The following LRRC28 variants were observed in gnomAD, a reference collection of about 807,000 sequenced individuals.
LRRC28 encodes leucine rich repeat containing 28.
Under a neutral mutation model 45.7 loss-of-function variants are expected in LRRC28, and 39 were observed. The observed-to-expected ratio is 0.85, with a 90% CI of 0.66 to 1.12. The LOEUF (loss-of-function observed/expected upper bound fraction) is 1.12. Among genes scored for constraint, LRRC28 ranks in the 50% most tolerant of loss-of-function variants. LRRC28 has a pLI of 0.00. For missense variants in LRRC28, 435 were observed against 438.5 expected, an observed-to-expected ratio of 0.99 and a Z score of 0.07; for synonymous variants, 206 against 178.8, an observed-to-expected ratio of 1.15 and a Z score of -1.22.
chr15:99,377,726 G>A (rs1320352809), intron 9 of LRRC28, among the ~76,000 whole-genome samples: 2 of 152,080 alleles, frequency 1.3e-5, no homozygotes, highest in Non-Finnish European at 2.9e-5. Context: ...TGTATAAGGT[G>A]TAAGGAAGGG....
chr15:99,294,571 G>A (rs2152228580), intron 5 of LRRC28, among the ~76,000 whole-genome samples: 1 of 152,274 alleles, frequency 6.6e-6, no homozygotes, highest in South Asian at 2.1e-4. Context: ...CAAGGTGCCA[G>A]CAGATCTGGT....
rs1958094694 is a variant in LRRC28 at position 99,388,471 on chromosome 15, A to T, written c.*2369A>T. The T allele has an allele frequency of 6.6e-6, 1 of 152,250 alleles. No homozygotes were observed. Among genetic ancestry groups the T allele is most frequent in the Non-Finnish European group, 1.5e-5 (1 of 68,044 alleles). 9.4% of individuals were successfully genotyped at this position (152,250 alleles called of 1,614,324 possible). The stretch of plus-strand genomic sequence containing the variant: ...GGCAGACAACCTTTGGGCAGTCTCA[A>T]CCTTAATCCTTGGGTACAGCACCTG... On this transcript the variant is annotated 3_prime_UTR_variant, in exon 10 of 10. Transcript: ENST00000301981.
intron 9 of LRRC28, among the ~76,000 whole-genome samples, chr15:99,371,382 T>C (rs1235151806): frequency 6.6e-6 from 1 of 152,204 alleles, no homozygotes; most frequent in African/African-American, 2.4e-5. Flanking sequence ...GCCACATGTC[T>C]GAGTGATTGT....
At chr15:99,379,070 G>T (rs1044695722) in intron 9 of LRRC28, among the ~76,000 whole-genome samples, 7 of 152,000 alleles carry the variant, frequency 4.6e-5, no homozygotes, top group African/African-American at 1.5e-4. Context: ...AGTTAGGGAG[G>T]ATTCCCTTTT....
intron 5 of LRRC28, among the ~76,000 whole-genome samples, chr15:99,317,257 T>C (rs1482879576): frequency 6.6e-6 from 1 of 152,174 alleles, no homozygotes; most frequent in Non-Finnish European, 1.5e-5. Flanking sequence ...ATGGAATACC[T>C]AGGGAAAATG....
At chr15:99,342,653 C>T (rs1010398547) in intron 6 of LRRC28, among the ~76,000 whole-genome samples, 1 of 152,102 alleles carries the variant, frequency 6.6e-6, no homozygotes, top group African/African-American at 2.4e-5. Context: ...AGCACAGTGC[C>T]CAGCCCATTC....
chr15:99,309,822 T>C (rs1955337808), intron 5 of LRRC28, among the ~76,000 whole-genome samples: 1 of 152,296 alleles, frequency 6.6e-6, no homozygotes, highest in African/African-American at 2.4e-5. Context: ...TTGAGGACAG[T>C]GCAGGGTGGG....
At chr15:99,314,387 G>A (rs1955517951) in intron 5 of LRRC28, among the ~76,000 whole-genome samples, 1 of 151,988 alleles carries the variant, frequency 6.6e-6, no homozygotes. Flanking sequence ...GCAGTGAGCT[G>A]TGATCACACA....
intron 3 of LRRC28, among the ~76,000 whole-genome samples, chr15:99,282,743 C>T (rs542462632): frequency 1.3e-5 from 2 of 152,288 alleles, no homozygotes; most frequent in African/African-American, 2.4e-5. Flanking sequence ...AATCACCTAA[C>T]GACACATTTC....
In LRRC28 at chr15:99,370,454, G is replaced by T. The variant is rs934374107; in HGVS notation, c.1031+7189G>T. Among the ~76,000 whole-genome samples the T allele has an allele frequency of 2.6e-5, 4 of 152,070 alleles. No homozygotes were observed. The East Asian group carries it at 5.8e-4, about 22-fold the overall frequency. ...GCACTAAAAAGTCCAGAAGGATGGA[G>T]CTCCAACTCTTTACTATGAGTATCT... On this transcript the variant is annotated intron_variant, in intron 9 of 9. Coordinates refer to ENST00000301981, the MANE Select transcript of LRRC28 (RefSeq NM_144598.5).
intron 1 of LRRC28, among the ~76,000 whole-genome samples, chr15:99,254,914 T>C (rs2080970744): frequency 6.6e-6 from 1 of 152,244 alleles, no homozygotes; most frequent in Non-Finnish European, 1.5e-5. Context: ...ATTAGGCAAC[T>C]GGAGACCCAG....
At chr15:99,289,661 C>T (rs980975005) in intron 5 of LRRC28, among the ~76,000 whole-genome samples, 6 of 151,942 alleles carry the variant, frequency 3.9e-5, no homozygotes, top group Non-Finnish European at 5.9e-5. Context: ...AGGCCGGGCG[C>T]GGTGGCTCAC....
intron 2 of LRRC28, among the ~76,000 whole-genome samples, chr15:99,269,389 CT>C (rs2081413265): frequency 6.6e-6 from 1 of 151,732 alleles, no homozygotes; most frequent in African/African-American, 2.4e-5. Context: ...ATTCTGCACA[CT>C]TTACCAGCCA....
chr15:99,345,915 C>G (rs117151647), intron 6 of LRRC28, among the ~76,000 whole-genome samples: 2,570 of 152,322 alleles, frequency 0.017, 31 homozygotes, highest in Non-Finnish European at 0.026. Flanking sequence ...TAGTCAGACA[C>G]ATGAGTCCTC....
intron 2 of LRRC28, among the ~76,000 whole-genome samples, chr15:99,261,531 T>G (rs1410817818): frequency 2.0e-5 from 3 of 152,090 alleles, no homozygotes; most frequent in Non-Finnish European, 4.4e-5. Flanking sequence ...GTGGAAGGGG[T>G]CAAGGGTCTC....
At chr15:99,296,913 C>CA (rs1210508452) in intron 5 of LRRC28, among the ~76,000 whole-genome samples, 2 of 152,152 alleles carry the variant, frequency 1.3e-5, no homozygotes, top group African/African-American at 2.4e-5. Flanking sequence ...TCTTGGTACA[C>CA]AGTGCTGAGA....
At chr15:99,299,741 A>T (rs1346449340) in intron 5 of LRRC28, among the ~76,000 whole-genome samples, 2 of 152,210 alleles carry the variant, frequency 1.3e-5, no homozygotes, top group African/African-American at 4.8e-5. Flanking sequence ...CTCAATGTGC[A>T]TAATAGTTCT....
intron 5 of LRRC28, among the ~76,000 whole-genome samples, chr15:99,290,521 G>A (rs960709887): frequency 6.6e-6 from 1 of 152,016 alleles, no homozygotes; most frequent in Admixed American, 6.6e-5. Flanking sequence ...CCTAGAAAAT[G>A]TATCAGTAAA....
chr15:99,302,348 A>T (rs1420196102), intron 5 of LRRC28, among the ~76,000 whole-genome samples: 1 of 151,232 alleles, frequency 6.6e-6, no homozygotes, highest in Admixed American at 6.6e-5. Flanking sequence ...TTTTTAAGCT[A>T]TTGATTTTCT....
Sources: gnomAD v4.1 joint callset for allele counts (sites outside exome capture counted in the v4.1 genomes callset) on GRCh38, gnomAD v4.1.1 for gene constraint, MANE v1.5 for transcripts, NCBI Gene and HGNC (gene_info 2026-07-23, HGNC 2026-07-21) for gene names.